PCBP3: variants seen among roughly 807,000 people sequenced by gnomAD.
PCBP3 encodes the protein poly(rC)-binding protein 3.
Under a neutral mutation model 52.7 loss-of-function variants are expected in PCBP3, and 25 were observed. The ratio of observed to expected loss-of-function variants is 0.47; its 90% CI spans 0.35 to 0.66. The LOEUF (loss-of-function observed/expected upper bound fraction) is 0.66. Among genes scored for constraint, PCBP3 ranks in the 30% least tolerant of loss-of-function variants. The probability of loss-of-function intolerance (pLI) is 0.01; values close to 1 mark genes in which losing one functional copy is unlikely to be tolerated. For synonymous variants in PCBP3, 162 were observed against 183.0 expected, an observed-to-expected ratio of 0.89 and a Z score of 0.93; for missense variants, 391 against 490.3, an observed-to-expected ratio of 0.80 and a Z score of 1.91.
intron 4 of PCBP3, among the ~76,000 whole-genome samples, chr21:45,792,462 T>G (rs1395211413): frequency 1.3e-5 from 2 of 152,236 alleles, no homozygotes; most frequent in African/African-American, 4.8e-5. Context: ...TAAATAGAGT[T>G]TTCTTTTTTA....
intron 4 of PCBP3, among the ~76,000 whole-genome samples, chr21:45,839,772 C>T (rs767193564): frequency 3.9e-5 from 6 of 152,094 alleles, no homozygotes; most frequent in South Asian, 2.1e-4. Flanking sequence ...CTGCAGCCTC[C>T]GCTTCCCAGG....
chr21:45,744,424 T>G (rs911966114), intron 3 of PCBP3: 1 of 152,120 alleles, frequency 6.6e-6, no homozygotes, highest in East Asian at 1.9e-4. Flanking sequence ...TCAAACTCCT[T>G]GGCCTCAAGT....
rs111230233 is a variant in PCBP3, at chr21:45,827,347, T to G, written c.-125-22614T>G. 0.042 allele frequency among the ~76,000 whole-genome samples: 6,438 copies of G among 152,144 alleles called. 446 individuals carry two copies. The highest frequency in any genetic ancestry group is 0.15 in the African/African-American group (6,077 of 41,464). On this transcript the variant is annotated intron_variant, in intron 4 of 17. Coordinates refer to ENST00000681687, the MANE Select transcript of PCBP3 (RefSeq NM_001384156.1). The surrounding 1 kb of genome is among the most constrained non-coding windows in gnomAD (Gnocchi z 4.3). ...AGAAGATCTGGACATGATCATCACGTCACATCACATGGCCAGGTTTCAACT... is the reference window on the plus strand; with the variant it reads ...AGAAGATCTGGACATGATCATCACGGCACATCACATGGCCAGGTTTCAACT...
At chr21:45,672,677 G>C (rs934052001) in intron 2 of PCBP3, among the ~76,000 whole-genome samples, 2 of 152,120 alleles carry the variant, frequency 1.3e-5, no homozygotes, top group South Asian at 4.1e-4. Flanking sequence ...CAATAGTCAT[G>C]GGTGTGGGTG....
intron 6 of PCBP3, among the ~76,000 whole-genome samples, chr21:45,898,880 C>G (rs1483289236): frequency 6.7e-6 from 1 of 150,334 alleles, no homozygotes; most frequent in African/African-American, 2.5e-5. Flanking sequence ...TGCACGCCGT[C>G]CTCACAGCCT....
chr21:45,772,295 T>C (rs2089935391), intron 4 of PCBP3, among the ~76,000 whole-genome samples: 1 of 152,192 alleles, frequency 6.6e-6, no homozygotes, highest in South Asian at 2.1e-4. Context: ...AGCTTCTACA[T>C]ATAGGTGAGA....
At chr21:45,920,048 A>AG (rs55919940) in intron 13 of PCBP3, among the ~76,000 whole-genome samples, 64,337 of 151,818 alleles carry the variant, frequency 0.42, 14,714 homozygotes, top group African/African-American at 0.6. Flanking sequence ...CAGGTTCCAA[A>AG]GGGGGGGTCA....
chr21:45,739,589 C>A (rs2086241437), intron 3 of PCBP3, among the ~76,000 whole-genome samples: 1 of 111,102 alleles, frequency 9.0e-6, no homozygotes, highest in East Asian at 2.7e-4. Flanking sequence ...TCTGGGTGCC[C>A]CCCCCCATCT....
chr21:45,875,213 C>T (rs2095212625), intron 5 of PCBP3, among the ~76,000 whole-genome samples: 3 of 151,696 alleles, frequency 2.0e-5, no homozygotes, highest in Non-Finnish European at 4.4e-5. Context: ...CGGCGCGCTC[C>T]AGCTGACTCA....
At chr21:45,940,872 T>C (rs1230967109) in intron 17 of PCBP3, among the ~76,000 whole-genome samples, 1 of 104,572 alleles carries the variant, frequency 9.6e-6, no homozygotes, top group Non-Finnish European at 1.9e-5. Flanking sequence ...CCGTCCTCTC[T>C]CCCCAAGGAT....
chr21:45,792,636 G>A (rs189756314), intron 4 of PCBP3, among the ~76,000 whole-genome samples: 12 of 152,336 alleles, frequency 7.9e-5, no homozygotes, highest in Non-Finnish European at 1.2e-4. Flanking sequence ...GATGACTGCA[G>A]TCAGAGGACC....
intron 2 of PCBP3, among the ~76,000 whole-genome samples, chr21:45,701,370 T>G: frequency 6.6e-6 from 1 of 152,186 alleles, no homozygotes; most frequent in East Asian, 1.9e-4. Context: ...CCTATGACAC[T>G]AGGCCAGTGG....
chr21:45,699,540 T>C (rs1238449869), intron 2 of PCBP3, among the ~76,000 whole-genome samples: 3 of 152,188 alleles, frequency 2.0e-5, no homozygotes, highest in Non-Finnish European at 4.4e-5. Context: ...CTCTAGCCCT[T>C]ACCCAGTGTA....
intron 4 of PCBP3, among the ~76,000 whole-genome samples, chr21:45,835,324 C>G (rs1341253938): frequency 6.6e-6 from 1 of 152,150 alleles, no homozygotes; most frequent in Non-Finnish European, 1.5e-5. Context: ...GGAGGCTTAG[C>G]AGCACCGGAG....
intron 4 of PCBP3, among the ~76,000 whole-genome samples, chr21:45,780,532 T>A (rs188878925): frequency 1.9e-4 from 29 of 152,310 alleles, no homozygotes; most frequent in Non-Finnish European, 2.1e-4. Flanking sequence ...CTGGCTGATG[T>A]CCTTGTGGCC....
rs1468561884 is a variant in PCBP3, at chr21:45,844,913, A to ATTTATATATATAGT, written c.-125-5045_-125-5032dup. ...TATATAAAGTTTATATATATGCTTT[A>ATTTATATATATAGT]TTTATATATATAGTTTACATATATA... On this transcript the variant is annotated intron_variant, in intron 4 of 17. Transcript: ENST00000681687. Among the ~76,000 whole-genome samples the ATTTATATATATAGT allele has an allele frequency of 5.1e-3, 773 of 150,598 alleles. 2 individuals are homozygous for ATTTATATATATAGT. The highest frequency in any genetic ancestry group is 0.018 in the African/African-American group (725 of 41,180).
chr21:45,879,286 A>G (rs2095343900), intron 5 of PCBP3, among the ~76,000 whole-genome samples: 1 of 152,234 alleles, frequency 6.6e-6, no homozygotes, highest in Non-Finnish European at 1.5e-5. Flanking sequence ...CGCCTGGCCA[A>G]GGAAATAGAT....
At chr21:45,700,302 A>G (rs187408930) in intron 2 of PCBP3, among the ~76,000 whole-genome samples, 1 of 152,356 alleles carries the variant, frequency 6.6e-6, no homozygotes, top group African/African-American at 2.4e-5. Context: ...TGTTCTAGGG[A>G]ATAAATCAGA....
intron 2 of PCBP3, among the ~76,000 whole-genome samples, chr21:45,670,083 A>G (rs1451009282): frequency 6.6e-6 from 1 of 152,022 alleles, no homozygotes; most frequent in East Asian, 1.9e-4. Flanking sequence ...TCTACCAGCA[A>G]TGCACAAGGG....
Sources: gnomAD v4.1 joint callset for allele counts (sites outside exome capture counted in the v4.1 genomes callset) on GRCh38, gnomAD v4.1.1 for gene constraint, Gnocchi (gnomAD v3.1) non-coding constraint, MANE v1.5 for transcripts, NCBI Gene and HGNC (gene_info 2026-07-23, HGNC 2026-07-21) for gene names.